The following DNAJC15 variants were observed in gnomAD, a reference collection of about 807,000 sequenced individuals.
DNAJC15 encodes the protein dnaJ homolog subfamily C member 15.
A neutral mutation model predicts 22.4 loss-of-function variants in DNAJC15; 27 were observed. The ratio of observed to expected loss-of-function variants is 1.20; its 90% CI spans 0.89 to 1.66. The LOEUF is 1.66. Among genes scored for constraint, DNAJC15 ranks in the 40% most tolerant of loss-of-function variants. The pLI is 0.00. For missense variants in DNAJC15, 208 were observed against 187.1 expected, an observed-to-expected ratio of 1.11 and a Z score of -0.65; for synonymous variants, 79 against 63.2, an observed-to-expected ratio of 1.25 and a Z score of -1.19.
intron 1 of DNAJC15, among the ~76,000 whole-genome samples, chr13:43,060,196 G>A (rs553721157): frequency 2.0e-5 from 3 of 152,236 alleles, no homozygotes; most frequent in African/African-American, 7.2e-5. Flanking sequence ...GATAATGGGC[G>A]ATGTTTCTCA....
At chr13:43,025,019 C>G (rs1052891164) in intron 1 of DNAJC15, among the ~76,000 whole-genome samples, 8 of 151,700 alleles carry the variant, frequency 5.3e-5, no homozygotes, top group African/African-American at 1.9e-4. Context: ...ATGATTTCGC[C>G]ACTGCACTCC....
At chr13:43,027,489 A>T (rs1461574806) in intron 1 of DNAJC15, among the ~76,000 whole-genome samples, 1 of 152,256 alleles carries the variant, frequency 6.6e-6, no homozygotes, top group South Asian at 2.1e-4. Flanking sequence ...CAATCCTGAT[A>T]CGTGAAAACT....
At chr13:43,043,356 G>A (rs537053841) in intron 1 of DNAJC15, among the ~76,000 whole-genome samples, 5 of 152,192 alleles carry the variant, frequency 3.3e-5, no homozygotes, top group South Asian at 4.2e-4. Context: ...TGATCTACCC[G>A]CCTTGGTCTC....
intron 2 of DNAJC15, among the ~76,000 whole-genome samples, chr13:43,068,425 A>G (rs903522659): frequency 1.3e-5 from 2 of 152,116 alleles, no homozygotes; most frequent in Non-Finnish European, 2.9e-5. Context: ...AGTATTTCAT[A>G]TGTAATTGCT....
intron 5 of DNAJC15, among the ~76,000 whole-genome samples, chr13:43,088,841 T>G (rs938653915): frequency 1.1e-4 from 1 of 9,218 alleles, no homozygotes; most frequent in Non-Finnish European, 1.6e-4. Flanking sequence ...TTAACTTGGT[T>G]TTTTTTTTTT....
At position 43,096,226 on chromosome 13, in the gene DNAJC15, A is replaced by G. The variant is rs569779868; in HGVS notation, c.382+10388A>G. On this transcript the variant is annotated intron_variant, in intron 5 of 5. Coordinates refer to ENST00000379221, the MANE Select transcript of DNAJC15 (RefSeq NM_013238.3). ...CATGGAAAAGAGCCATGGGACATGT[A>G]TTTGATCTCAAGGCCTGTAAGATTC... Among the ~76,000 whole-genome samples the G allele has an allele frequency of 2.0e-4, 31 of 152,332 alleles. No individual in the cohort carries two copies. The South Asian group carries it at 2.5e-3, about 12-fold the overall frequency.
intron 5 of DNAJC15, among the ~76,000 whole-genome samples, chr13:43,100,293 G>C (rs1211083141): frequency 7.1e-6 from 1 of 140,812 alleles, no homozygotes; most frequent in East Asian, 2.1e-4. Flanking sequence ...CTGCAGCCTT[G>C]ACCTCCTGGG....
chr13:43,076,870 A>C (rs1209918466), intron 3 of DNAJC15, among the ~76,000 whole-genome samples: 1 of 152,046 alleles, frequency 6.6e-6, no homozygotes, highest in Non-Finnish European at 1.5e-5. Context: ...CTCTCATTTT[A>C]CTTTACCTAT....
At chr13:43,045,705 T>C (rs1332827257) in intron 1 of DNAJC15, among the ~76,000 whole-genome samples, 1 of 152,200 alleles carries the variant, frequency 6.6e-6, no homozygotes, top group Non-Finnish European at 1.5e-5. Flanking sequence ...CTGTCTTTGA[T>C]TTCACTTCCT....
chr13:43,065,984 C>T (rs1032766511), intron 2 of DNAJC15, among the ~76,000 whole-genome samples: 11 of 151,964 alleles, frequency 7.2e-5, no homozygotes, highest in African/African-American at 2.4e-4. Flanking sequence ...TTATTCCTGG[C>T]ATTTTTTTTC....
At chr13:43,070,156 A>T (rs1188504125) in intron 3 of DNAJC15, among the ~76,000 whole-genome samples, 2 of 152,208 alleles carry the variant, frequency 1.3e-5, no homozygotes, top group Admixed American at 1.3e-4. Flanking sequence ...TGTGAGGCTT[A>T]GTTAGCCATG....
intron 1 of DNAJC15, among the ~76,000 whole-genome samples, chr13:43,049,549 C>G (rs1366102835): frequency 6.6e-6 from 1 of 152,114 alleles, no homozygotes; most frequent in Admixed American, 6.5e-5. Context: ...CACAGTTATG[C>G]CAAGTAAACC....
At chr13:43,070,883 G>C (rs550708981) in intron 3 of DNAJC15, among the ~76,000 whole-genome samples, 1 of 152,294 alleles carries the variant, frequency 6.6e-6, no homozygotes, top group Admixed American at 6.5e-5. Context: ...CTTAGAGCCA[G>C]AGTAGAAGCT....
intron 1 of DNAJC15, among the ~76,000 whole-genome samples, chr13:43,048,369 G>A (rs1188785641): frequency 6.6e-6 from 1 of 151,924 alleles, no homozygotes; most frequent in African/African-American, 2.4e-5. Flanking sequence ...GCTCATGCCT[G>A]TAATCCCAGC....
intron 1 of DNAJC15, among the ~76,000 whole-genome samples, chr13:43,064,268 T>TG (rs2040572720): frequency 6.6e-6 from 1 of 152,238 alleles, no homozygotes; most frequent in South Asian, 2.1e-4. Context: ...CGGCTGCCCT[T>TG]GCTGACCTGA....
chr13:43,051,332 G>A (rs994210861), intron 1 of DNAJC15, among the ~76,000 whole-genome samples: 1 of 152,038 alleles, frequency 6.6e-6, no homozygotes, highest in Non-Finnish European at 1.5e-5. Context: ...TTGGTTACAT[G>A]GATAAGTTCT....
intron 1 of DNAJC15, among the ~76,000 whole-genome samples, chr13:43,025,607 C>T (rs2040376983): frequency 6.6e-6 from 1 of 152,134 alleles, no homozygotes; most frequent in African/African-American, 2.4e-5. Flanking sequence ...TTTTATTAGA[C>T]AATAACATGT....
At chr13:43,045,055 G>C (rs77766409) in intron 1 of DNAJC15, among the ~76,000 whole-genome samples, 2,918 of 152,180 alleles carry the variant, frequency 0.019, 76 homozygotes, top group South Asian at 0.11. Flanking sequence ...GACCATATAA[G>C]GCCCAGCATG....
In DNAJC15 at chr13:43,112,630, T is replaced by C. The variant is rs1029916597; in HGVS notation, c.*5382T>C. 1.3e-5 allele frequency: 2 copies of C among 152,232 alleles called. No individual in the cohort carries two copies. Among genetic ancestry groups the C allele is most frequent in the Non-Finnish European group, 2.9e-5 (2 of 68,048 alleles). 9.4% of individuals were successfully genotyped at this position (152,232 alleles called of 1,614,324 possible). On this transcript the variant is annotated 3_prime_UTR_variant, in exon 6 of 6. Coordinates refer to ENST00000379221, the MANE Select transcript of DNAJC15 (RefSeq NM_013238.3). ...CGTTTAGTACCTGTGCCAAACATTC[T>C]ACCTATGTTACCTTGATTTTCATAG...
Sources: gnomAD v4.1 joint callset for allele counts (sites outside exome capture counted in the v4.1 genomes callset) on GRCh38, gnomAD v4.1.1 for gene constraint, MANE v1.5 for transcripts, NCBI Gene and HGNC (gene_info 2026-07-23, HGNC 2026-07-21) for gene names.